The following OPCML variants were observed in gnomAD, a reference collection of about 807,000 sequenced individuals.
OPCML encodes opioid-binding protein/cell adhesion molecule.
Under a neutral mutation model 37.8 loss-of-function variants are expected in OPCML, and 13 were observed. The observed-to-expected ratio is 0.34, with a 90% CI of 0.22 to 0.55. The LOEUF (loss-of-function observed/expected upper bound fraction) is 0.55. Ranked by LOEUF, OPCML falls within the 20% of genes least tolerant of loss-of-function variation. The pLI, the probability that OPCML is intolerant of heterozygous loss-of-function variation, is 0.91. For missense variants in OPCML, 341 were observed against 435.6 expected (o/e 0.78, Z 1.93); for synonymous variants, 176 against 168.8 (o/e 1.04, Z -0.33).
At chr11:132,952,302 G>A (rs560552125) in intron 1 of OPCML, among the ~76,000 whole-genome samples, 8 of 152,200 alleles carry the variant, frequency 5.3e-5, no homozygotes, top group East Asian at 1.9e-4. Context: ...TGGGGCTTCC[G>A]TTTTTAGGCT....
intron 1 of OPCML, among the ~76,000 whole-genome samples, chr11:133,424,574 C>G (rs1281848349): frequency 6.6e-6 from 1 of 152,234 alleles, no homozygotes; most frequent in East Asian, 1.9e-4. Context: ...CACACAGTGT[C>G]CCATCCTGTG....
intron 1 of OPCML, among the ~76,000 whole-genome samples, chr11:133,172,681 G>A (rs1182415121): frequency 6.6e-6 from 1 of 152,134 alleles, no homozygotes; most frequent in African/African-American, 2.4e-5. Flanking sequence ...AGATTTGAGT[G>A]AGAAAACTCA....
chr11:133,375,725 A>G (rs4553381), intron 1 of OPCML, among the ~76,000 whole-genome samples: 49,493 of 151,910 alleles, frequency 0.33, 9,859 homozygotes, highest in African/African-American at 0.57. Flanking sequence ...TTTTCAAAAA[A>G]TGTATAGTCT....
chr11:133,232,945 G>T (rs960109767), intron 1 of OPCML, among the ~76,000 whole-genome samples: 21 of 152,278 alleles, frequency 1.4e-4, no homozygotes, highest in Admixed American at 1.1e-3. Flanking sequence ...TAGTTGGGAT[G>T]GCATCAGGGG....
rs117336287 is a variant in OPCML at position 133,010,653 on chromosome 11, G to A, written c.62-67643C>T. Among the ~76,000 whole-genome samples, 336 of 152,182 alleles carry A rather than the reference G, an allele frequency of 2.2e-3. 3 individuals are homozygous for A. Among genetic ancestry groups the A allele is most frequent in the Non-Finnish European group, 3.6e-3 (245 of 68,006 alleles). ...TCCTTTTTAATATTTCTATCAATGTGTTGAATAAAGATATAAAAAGCATAA... is the reference window on the plus strand; with the variant it reads ...TCCTTTTTAATATTTCTATCAATGTATTGAATAAAGATATAAAAAGCATAA... On this transcript the variant is annotated intron_variant, in intron 1 of 7. Coordinates refer to ENST00000524381, the MANE Select transcript of OPCML (RefSeq NM_001012393.5).
Position 133,265,942 on chromosome 11 carries a change from C to A in OPCML, c.61+266322G>T, listed in dbSNP as rs1308614152. 2.6e-5 allele frequency among the ~76,000 whole-genome samples: 4 copies of A among 152,112 alleles called. No individual in the cohort carries two copies. In the South Asian group the frequency reaches 8.3e-4, roughly 32 times the overall value. ...GCAGGCATCGGGTAATTAGTCCCAACAACTTCACTGTGAATAAAGTATTAA... is the reference window on the plus strand; with the variant it reads ...GCAGGCATCGGGTAATTAGTCCCAAAAACTTCACTGTGAATAAAGTATTAA... On this transcript the variant is annotated intron_variant, in intron 1 of 7. Transcript: ENST00000524381.
chr11:132,748,546 G>A (rs1445979381), intron 2 of OPCML, among the ~76,000 whole-genome samples: 1 of 152,200 alleles, frequency 6.6e-6, no homozygotes, highest in Non-Finnish European at 1.5e-5. Context: ...CAAGGAGCCT[G>A]AGTGTGGCCT....
In OPCML at chr11:132,903,744, G is replaced by C. The variant is rs200877500; in HGVS notation, c.146+39182C>G. Among the ~76,000 whole-genome samples the C allele has an allele frequency of 3.9e-5, 6 of 152,142 alleles. No homozygotes were observed. In the East Asian group the frequency reaches 1.2e-3, roughly 29 times the overall value. ...CCAAAGTTAAAATAGTGGAACCCTA[G>C]AACAACAAAGCAGGAAACACCGTTG... On this transcript the variant is annotated intron_variant, in intron 2 of 7. Transcript: ENST00000524381.
intron 3 of OPCML, among the ~76,000 whole-genome samples, chr11:132,648,405 C>T (rs1313781498): frequency 6.6e-6 from 1 of 152,160 alleles, no homozygotes; most frequent in Non-Finnish European, 1.5e-5. Context: ...ATTTCATTTT[C>T]CTTCCATCTC....
intron 1 of OPCML, among the ~76,000 whole-genome samples, chr11:132,962,948 T>C (rs1946125065): frequency 1.3e-5 from 2 of 152,204 alleles, no homozygotes; most frequent in African/African-American, 4.8e-5. Context: ...AGAGACTGTT[T>C]TCTCTGCCAG....
rs1323984510 is a variant in OPCML, at chr11:132,436,315, A to T, written c.765-78T>A. Reference sequence around the variant, plus strand: ...CTCACCAAACTCTTTTCTCCAACTAATCTCGTCCTTCAAACTCAAACCCTA... The same window carrying T: ...CTCACCAAACTCTTTTCTCCAACTATTCTCGTCCTTCAAACTCAAACCCTA... On this transcript the variant is annotated intron_variant, in intron 6 of 7. Coordinates refer to ENST00000524381, the MANE Select transcript of OPCML (RefSeq NM_001012393.5). The T allele has an allele frequency of 2.5e-6, 4 of 1,607,650 alleles. No individual in the cohort carries two copies. In the Admixed American group the frequency reaches 5.1e-5, roughly 20 times the overall value.
At chr11:133,313,347 GC>G (rs1195087751) in intron 1 of OPCML, among the ~76,000 whole-genome samples, 2 of 152,284 alleles carry the variant, frequency 1.3e-5, no homozygotes, top group East Asian at 1.9e-4. Flanking sequence ...TAAATAGACT[GC>G]AAATCATAGA....
At position 133,017,641 on chromosome 11, in the gene OPCML, G is replaced by A. The variant is rs568677082; in HGVS notation, c.62-74631C>T. Among the ~76,000 whole-genome samples, 18 of 152,176 alleles carry A rather than the reference G, an allele frequency of 1.2e-4. No individual in the cohort carries two copies. The East Asian group carries it at 2.5e-3, about 21-fold the overall frequency. ...CGATCTCAGGTGATCTGCCCTCCTCGGCCTCCCAAACTGCTGAGATTACAG... is the reference window on the plus strand; with the variant it reads ...CGATCTCAGGTGATCTGCCCTCCTCAGCCTCCCAAACTGCTGAGATTACAG... On this transcript the variant is annotated intron_variant, in intron 1 of 7. Coordinates refer to ENST00000524381, the MANE Select transcript of OPCML (RefSeq NM_001012393.5).
At chr11:132,729,392 T>C (rs1386524589) in intron 2 of OPCML, among the ~76,000 whole-genome samples, 4 of 151,492 alleles carry the variant, frequency 2.6e-5, no homozygotes, top group Non-Finnish European at 5.9e-5. Flanking sequence ...TTATAGATTT[T>C]ACACACACAC....
At chr11:133,109,382 G>T (rs1949216591) in intron 1 of OPCML, among the ~76,000 whole-genome samples, 1 of 152,050 alleles carries the variant, frequency 6.6e-6, no homozygotes, top group Non-Finnish European at 1.5e-5. Flanking sequence ...TCCCTTACTT[G>T]TCCCCGCCCA....
At chr11:132,507,515 A>G (rs953337602) in intron 4 of OPCML, among the ~76,000 whole-genome samples, 1 of 151,942 alleles carries the variant, frequency 6.6e-6, no homozygotes, top group South Asian at 2.1e-4. Flanking sequence ...AAACTTGACA[A>G]CTATCGAACA....
intron 3 of OPCML, among the ~76,000 whole-genome samples, chr11:132,591,381 T>C (rs2096484226): frequency 6.6e-6 from 1 of 152,220 alleles, no homozygotes; most frequent in Non-Finnish European, 1.5e-5. Flanking sequence ...AATTAAACAC[T>C]AAGAAATCTG....
intron 2 of OPCML, among the ~76,000 whole-genome samples, chr11:132,861,168 A>G (rs1942283665): frequency 6.6e-6 from 1 of 152,234 alleles, no homozygotes; most frequent in East Asian, 1.9e-4. Context: ...TTTAAGTTAA[A>G]TGTAGCAGTT....
chr11:133,432,774 C>G (rs925809794), intron 1 of OPCML, among the ~76,000 whole-genome samples: 1 of 152,098 alleles, frequency 6.6e-6, no homozygotes. Context: ...TACTGGGAAA[C>G]CAGAGTGAAT....
Sources: allele counts gnomAD v4.1 joint callset (sites outside exome capture counted in the v4.1 genomes callset), GRCh38; gene constraint gnomAD v4.1.1; transcripts MANE v1.5; gene names NCBI Gene and HGNC (gene_info 2026-07-23, HGNC 2026-07-21).